Variants in ZNF226 observed in about 807,000 individuals in gnomAD.
ZNF226 encodes the protein Kruppel-associated box protein.
ZNF226 carries 6 observed loss-of-function variants against 11.4 expected under a neutral mutation model. The ratio of observed to expected loss-of-function variants is 0.53; its 90% CI spans 0.29 to 1.04. ZNF226 has a LOEUF of 1.04. ZNF226 is among the 50% of genes least tolerant of loss of function. ZNF226 has a pLI of 0.08. For synonymous variants in ZNF226, 350 were observed against 322.8 expected (o/e 1.08, Z -0.90); for missense variants, 1,058 against 956.5 (o/e 1.11, Z -1.40).
At chr19:44,187,661 G>T in the ZNF226 span, among the ~76,000 whole-genome samples, 32 of 150,656 alleles carry the variant, frequency 2.1e-4, no homozygotes, top group African/African-American at 6.8e-4. The surrounding 1 kb of genome is among the most constrained non-coding windows in gnomAD (Gnocchi z 4.0). Flanking sequence ...TATTCCTTCC[G>T]CTGACTTTTG....
At chr19:44,175,306 G>GTGGACCATCTCTTGGTTT (rs1970576110) in intron 5 of ZNF226, 192 bp from the exon 6 acceptor site, 3 of 1,404,830 alleles carry the variant, frequency 2.1e-6, no homozygotes, top group Middle Eastern at 2.6e-4. Context: ...TGGGAGCTTG[G>GTGGACCATCTCTTGGTTT]TGGACCATCT....
chr19:44,185,945 AGGTAAG>A, the ZNF226 span, among the ~76,000 whole-genome samples: 1 of 152,152 alleles, frequency 6.6e-6, no homozygotes, highest in East Asian at 1.9e-4. Context: ...ATACAATGTA[AGGTAAG>A]GGTCTAACTT....
rs1265496529 is a variant in ZNF226 at position 44,175,956 on chromosome 19, GAC to G, written c.696_697del (p.Asp232GlufsTer8). 1.9e-6 allele frequency: 3 copies of G among 1,613,766 alleles called. No homozygotes were observed. The highest frequency in any genetic ancestry group is 3.3e-5 in the Admixed American group (2 of 60,010). On this transcript the variant is annotated frameshift_variant, in exon 6 of 6. Transcript: ENST00000337433. LOFTEE classifies it low-confidence loss of function (END_TRUNC). ...TTATAGACCCAATGATTATGAAAAA[GAC>G]AACATGAAGATTTTGACATTTGATC... ...KSYRPNDYEK[D>X]NMKILTFDHN...
chr19:44,180,220 A>C (rs949676513), downstream of ZNF226, among the ~76,000 whole-genome samples: 2 of 152,176 alleles, frequency 1.3e-5, no homozygotes, highest in African/African-American at 4.8e-5. Flanking sequence ...GGGAGAGAAC[A>C]GCATGATGCC....
chr19:44,172,335 C>T, intron 4 of ZNF226, 121 bp downstream of exon 4: 2 of 1,327,026 alleles, frequency 1.5e-6, no homozygotes, highest in East Asian at 2.5e-5. Context: ...GATGCAGAGA[C>T]ACTGGATGTT....
At chr19:44,180,391 G>A (rs1970889744), downstream of ZNF226, among the ~76,000 whole-genome samples, 1 of 152,178 alleles carries the variant, frequency 6.6e-6, no homozygotes, top group Non-Finnish European at 1.5e-5. Context: ...TACAATTCCT[G>A]TTGTTCCTGG....
At chr19:44,178,719 CATAGA>C (rs1338852010), downstream of ZNF226, among the ~76,000 whole-genome samples, 1 of 151,908 alleles carries the variant, frequency 6.6e-6, no homozygotes, top group African/African-American at 2.4e-5. Context: ...TTCTGGAATT[CATAGA>C]ATAGGAATTT....
the ZNF226 span, among the ~76,000 whole-genome samples, chr19:44,189,406 A>G: frequency 2.6e-5 from 4 of 152,328 alleles, no homozygotes; most frequent in Non-Finnish European, 4.4e-5. Flanking sequence ...TTGGGTCTCA[A>G]CTTCCCCAGA....
chr19:44,177,608 C>T lies in ZNF226; in HGVS notation c.2346C>T (p.Ser782=), dbSNP rs757867068. The change falls in exon 6 of 6, where the codon TCC becomes TCT. Residue 782 remains serine (S), a synonymous_variant. Transcript: ENST00000337433. The part of the protein sequence containing the change: ...VHHRIHVGDK[S]YKSNRGGKNI... ...ACAGAATCCATGTTGGTGATAAATC[C>T]TATAAAAGTAATAGGGGTGGTAAGA... 2.5e-6 allele frequency: 4 copies of T among 1,613,568 alleles called. No individual in the cohort carries two copies. In the South Asian group the frequency reaches 3.3e-5, roughly 13 times the overall value.
At chr19:44,183,798 T>G in the ZNF226 span, among the ~76,000 whole-genome samples, 1 of 152,230 alleles carries the variant, frequency 6.6e-6, no homozygotes, top group Non-Finnish European at 1.5e-5. Context: ...GCACCTGATA[T>G]AGAGAGCCAC....
the ZNF226 span, among the ~76,000 whole-genome samples, chr19:44,192,304 G>T: frequency 2.0e-5 from 3 of 152,154 alleles, no homozygotes; most frequent in Non-Finnish European, 4.4e-5. Flanking sequence ...GAGCGAGCGA[G>T]AGAGCGAGAG....
At chr19:44,178,198 C>G, downstream of ZNF226, 1 of 155,334 alleles carries the variant, frequency 6.4e-6, no homozygotes, top group East Asian at 1.9e-4. Context: ...TGATTAGATC[C>G]TGTCCTCCTT....
At chr19:44,195,759 G>A in the ZNF226 span, among the ~76,000 whole-genome samples, 1 of 152,194 alleles carries the variant, frequency 6.6e-6, no homozygotes, top group Non-Finnish European at 1.5e-5. Context: ...ATATGTGCAT[G>A]AGAACCTTCT....
chr19:44,170,141 T>A (rs748790419), intron 3 of ZNF226, 46 bp downstream of exon 3: 2 of 1,596,304 alleles, frequency 1.3e-6, no homozygotes, highest in Admixed American at 1.7e-5. Flanking sequence ...ACCATTTTAG[T>A]ACTCAGAGAT....
the ZNF226 span, among the ~76,000 whole-genome samples, chr19:44,188,356 C>T: frequency 1.3e-5 from 2 of 152,124 alleles, no homozygotes; most frequent in Non-Finnish European, 2.9e-5. Flanking sequence ...GTTCTGCATC[C>T]ACAGATTCAA....
chr19:44,172,661 C>T (rs1038194736), intron 4 of ZNF226, 199 bp from the exon 5 acceptor site: 1 of 548,482 alleles, frequency 1.8e-6, no homozygotes, highest in Non-Finnish European at 3.2e-6. Context: ...GTTATTCAAA[C>T]TTGGTTTTCA....
At chr19:44,187,455 G>A in the ZNF226 span, among the ~76,000 whole-genome samples, 26,914 of 151,660 alleles carry the variant, frequency 0.18, 6,073 homozygotes, top group African/African-American at 0.52. This position sits in a 1 kb window ranked among gnomAD's most constrained non-coding sequence, Gnocchi z 4.0. Flanking sequence ...TGTGACATCA[G>A]TCATAATGTC....
In ZNF226 at chr19:44,176,862, G is replaced by A. The variant is rs752311991; in HGVS notation, c.1600G>A (p.Glu534Lys). ...CACAGGAGAGAAACCCTATAAATGT[G>A]AGATATGTGGGAAGGGCTTCAGTCA... ...VHTGEKPYKC[E>K]ICGKGFSQSS... Residue 534 changes from glutamate to lysine, a missense_variant, in exon 6 of 6, where the codon GAG (glutamate) becomes AAG (lysine). Physicochemically the swap from Glu to Lys is moderately conservative, Grantham distance 56. Transcript: ENST00000337433. The A allele has an allele frequency of 8.7e-6, 14 of 1,614,102 alleles. No individual in the cohort carries two copies. In the South Asian group the frequency reaches 1.5e-4, roughly 18 times the overall value.
chr19:44,180,195 G>A (rs958447932), downstream of ZNF226, among the ~76,000 whole-genome samples: 2 of 152,078 alleles, frequency 1.3e-5, no homozygotes, highest in Non-Finnish European at 2.9e-5. Flanking sequence ...ATTCCCTGAG[G>A]AAAAGATGTG....
Sources: gnomAD v4.1 joint callset for allele counts (sites outside exome capture counted in the v4.1 genomes callset) on GRCh38, gnomAD v4.1.1 for gene constraint, Gnocchi (gnomAD v3.1) non-coding constraint, MANE v1.5 for transcripts, NCBI Gene and HGNC (gene_info 2026-07-23, HGNC 2026-07-21) for gene names.